DLC1: variants seen among roughly 807,000 people sequenced by gnomAD.
DLC1 encodes the protein rho GTPase-activating protein 7.
In DLC1, 54 loss-of-function variants were observed where a neutral mutation model predicts 140.3. The ratio of observed to expected loss-of-function variants is 0.38; its 90% CI spans 0.31 to 0.48. The LOEUF (loss-of-function observed/expected upper bound fraction) is 0.48, where lower values mean the gene tolerates loss of function less well. DLC1 is among the 20% of genes least tolerant of loss of function. The pLI, the probability that DLC1 is intolerant of heterozygous loss-of-function variation, is 0.96. For synonymous variants in DLC1, 986 were observed against 728.1 expected, an observed-to-expected ratio of 1.35 and a Z score of -5.70; for missense variants, 2,536 against 1,907.0, an observed-to-expected ratio of 1.33 and a Z score of -6.14.
chr8:13,251,205 C>T (rs893600864), intron 5 of DLC1, among the ~76,000 whole-genome samples: 10 of 152,214 alleles, frequency 6.6e-5, no homozygotes, highest in Non-Finnish European at 1.3e-4. Flanking sequence ...CTTATGACCT[C>T]ATTTAACCTC....
At chr8:13,442,064 TC>T (rs1444347957) in intron 2 of DLC1, among the ~76,000 whole-genome samples, 1 of 152,188 alleles carries the variant, frequency 6.6e-6, no homozygotes, top group Non-Finnish European at 1.5e-5. Context: ...TCTACAACTA[TC>T]TGATCTTTGA....
chr8:13,309,562 G>A (rs1832586845), intron 4 of DLC1, among the ~76,000 whole-genome samples: 2 of 152,258 alleles, frequency 1.3e-5, no homozygotes, highest in East Asian at 1.9e-4. Flanking sequence ...AGCTTTTAAA[G>A]CTATATGTGG....
chr8:13,146,842 G>A (rs1823472445), intron 5 of DLC1, among the ~76,000 whole-genome samples: 1 of 152,194 alleles, frequency 6.6e-6, no homozygotes. Flanking sequence ...TCTGGTTAGT[G>A]TTGACTTGAC....
chr8:13,310,278 C>G (rs557787464), intron 4 of DLC1, among the ~76,000 whole-genome samples: 6 of 152,272 alleles, frequency 3.9e-5, no homozygotes, highest in African/African-American at 1.4e-4. Context: ...GTTTGGAGTA[C>G]TGTTTAAGTG....
chr8:13,215,278 C>T (rs151021131), intron 5 of DLC1, among the ~76,000 whole-genome samples: 71 of 152,142 alleles, frequency 4.7e-4, no homozygotes, highest in African/African-American at 1.3e-3. Flanking sequence ...GGCTGAAAGA[C>T]TCTGAATTTA....
intron 4 of DLC1, among the ~76,000 whole-genome samples, chr8:13,358,382 C>G (rs1017029764): frequency 3.9e-5 from 6 of 152,148 alleles, no homozygotes; most frequent in African/African-American, 1.4e-4. Flanking sequence ...AGGGTATATG[C>G]TCTCTGGGTA....
At chr8:13,521,670 G>A (rs1291111378) in intron 1 of DLC1, among the ~76,000 whole-genome samples, 1 of 152,108 alleles carries the variant, frequency 6.6e-6, no homozygotes, top group East Asian at 1.9e-4. Context: ...ATGCAGCACT[G>A]TGCAACATTC....
At chr8:13,112,029 G>A (rs963241516) in intron 6 of DLC1, among the ~76,000 whole-genome samples, 10 of 152,176 alleles carry the variant, frequency 6.6e-5, no homozygotes, top group Non-Finnish European at 1.3e-4. Context: ...CATGCGGGCT[G>A]TGGTCTCAGC....
At chr8:13,209,674 G>A (rs536528405) in intron 5 of DLC1, among the ~76,000 whole-genome samples, 10 of 152,120 alleles carry the variant, frequency 6.6e-5, no homozygotes, top group Admixed American at 1.3e-4. Context: ...TACTGTCCTC[G>A]TGATAGTCAA....
intron 4 of DLC1, among the ~76,000 whole-genome samples, chr8:13,356,696 G>A (rs1444487652): frequency 6.6e-6 from 1 of 152,084 alleles, no homozygotes; most frequent in African/African-American, 2.4e-5. Flanking sequence ...CTAGCCCATG[G>A]TCTAGGGCTT....
chr8:13,125,326 T>C (rs893951752), intron 5 of DLC1, among the ~76,000 whole-genome samples: 1 of 152,234 alleles, frequency 6.6e-6, no homozygotes, highest in African/African-American at 2.4e-5. Flanking sequence ...ATGAAGCCTG[T>C]ATTCATATCA....
intron 2 of DLC1, among the ~76,000 whole-genome samples, chr8:13,474,702 A>G (rs1260215939): frequency 6.6e-6 from 1 of 152,178 alleles, no homozygotes; most frequent in African/African-American, 2.4e-5. Context: ...TCTGGATGTG[A>G]GACATACAGT....
chr8:13,142,110 GC>G (rs1231111721), intron 5 of DLC1, among the ~76,000 whole-genome samples: 1 of 152,158 alleles, frequency 6.6e-6, no homozygotes, highest in Non-Finnish European at 1.5e-5. Flanking sequence ...CGCTCCTGCC[GC>G]CTTGTGAAGA....
chr8:13,220,902 G>A (rs546629934), intron 5 of DLC1, among the ~76,000 whole-genome samples: 1 of 152,272 alleles, frequency 6.6e-6, no homozygotes, highest in Admixed American at 6.5e-5. Context: ...CAAGCTCAGT[G>A]ACAGCCTCAC....
chr8:13,257,029 A>G lies in DLC1; in HGVS notation c.1348+48240T>C, dbSNP rs1830259479. On this transcript the variant is annotated intron_variant, in intron 5 of 17. Transcript: ENST00000276297. The stretch of plus-strand genomic sequence containing the variant: ...TTTGCAGCCTCTGACCCTCTTTTTT[A>G]TTTGCAATCTGTGCACTGTCTTGTT... 2.0e-5 allele frequency among the ~76,000 whole-genome samples: 3 copies of G among 151,666 alleles called. No individual in the cohort carries two copies. The South Asian group carries it at 6.2e-4, about 32-fold the overall frequency.
intron 2 of DLC1, among the ~76,000 whole-genome samples, chr8:13,415,524 C>T (rs1480594702): frequency 2.0e-5 from 3 of 151,714 alleles, no homozygotes; most frequent in Non-Finnish European, 4.4e-5. Context: ...CTCAGCCTAC[C>T]TAGTAGCAGG....
intron 2 of DLC1, among the ~76,000 whole-genome samples, chr8:13,407,727 G>C (rs928146638): frequency 1.3e-5 from 2 of 152,180 alleles, no homozygotes; most frequent in African/African-American, 4.8e-5. Context: ...ACAAGGTTCT[G>C]GCCCCTATGC....
At chr8:13,546,403 A>G (rs1162327490) in intron 1 of DLC1, among the ~76,000 whole-genome samples, 2 of 152,164 alleles carry the variant, frequency 1.3e-5, no homozygotes, top group African/African-American at 4.8e-5. Context: ...AACCCTTTAA[A>G]AAGCCATAAC....
chr8:13,566,878 TCC>T, intron 1 of DLC1: 1 of 1,319,602 alleles, frequency 7.6e-7, no homozygotes, highest in South Asian at 1.9e-5. Context: ...GAAGACGACC[TCC>T]GCAGAGCTGA....
Sources: allele counts gnomAD v4.1 joint callset (sites outside exome capture counted in the v4.1 genomes callset), GRCh38; gene constraint gnomAD v4.1.1; transcripts MANE v1.5; gene names NCBI Gene and HGNC (gene_info 2026-07-23, HGNC 2026-07-21).